Variants in EHD4 observed in about 807,000 individuals in gnomAD.
EHD4 encodes the protein EH domain containing 4, also known as EH domain-containing protein 4.
Under a neutral mutation model 51.0 loss-of-function variants are expected in EHD4, and 37 were observed. The ratio of observed to expected loss-of-function variants is 0.73; its 90% CI spans 0.56 to 0.95. The LOEUF (loss-of-function observed/expected upper bound fraction) is 0.95. Among genes scored for constraint, EHD4 ranks in the 40% least tolerant of loss-of-function variants. The pLI is 0.00. For synonymous variants in EHD4, 297 were observed against 317.3 expected, an observed-to-expected ratio of 0.94 and a Z score of 0.68; for missense variants, 632 against 733.1, an observed-to-expected ratio of 0.86 and a Z score of 1.59.
At chr15:41,926,209 A>T (rs185519845) in intron 3 of EHD4, 1 of 152,200 alleles carries the variant, frequency 6.6e-6, no homozygotes, top group East Asian at 1.9e-4. Flanking sequence ...AAAAACAAAG[A>T]AAGATGTGTG....
Position 41,900,522 on chromosome 15 carries a change from A to G in EHD4, c.*123T>C. On this transcript the variant is annotated 3_prime_UTR_variant, in exon 6 of 6. Transcript: ENST00000220325. The surrounding 1 kb of genome is among the most constrained non-coding windows in gnomAD (Gnocchi z 4.8). ...TTCCAGTGTCCACCCTCCCCATTCT[A>G]CAGATGGGGAAACCAAGGCACAGAG... is the stretch of plus-strand genomic sequence containing the variant. 1 of 989,874 alleles carries G rather than the reference A, an allele frequency of 1.0e-6. No individual in the cohort carries two copies. 61.3% of individuals were successfully genotyped at this position (989,874 alleles called of 1,614,324 possible).
intron 1 of EHD4, among the ~76,000 whole-genome samples, chr15:41,969,669 C>T (rs2067984112): frequency 6.6e-6 from 1 of 152,196 alleles, no homozygotes; most frequent in African/African-American, 2.4e-5. Context: ...AATCTGTTTT[C>T]CTCAAGTTTT....
Position 41,902,058 on chromosome 15 carries a change from T to A in EHD4, c.1090-877A>T, listed in dbSNP as rs756279829. On this transcript the variant is annotated intron_variant, in intron 5 of 5. Transcript: ENST00000220325. ...ATCACTGGCCAGGTCAGGACATATC[T>A]TAGCTCTACCTGTTGAGTGAGGCAG... Among the ~76,000 whole-genome samples, 15 of 152,172 alleles carry A rather than the reference T, an allele frequency of 9.9e-5. 1 individual carries two copies. The highest frequency in any genetic ancestry group is 2.2e-4 in the Non-Finnish European group (15 of 68,030).
chr15:41,932,538 A>G (rs2067705892), intron 3 of EHD4, among the ~76,000 whole-genome samples: 1 of 152,128 alleles, frequency 6.6e-6, no homozygotes, highest in Admixed American at 6.5e-5. Flanking sequence ...TGAGAAAGAG[A>G]CTAAGATTAC....
In EHD4 at chr15:41,972,296, C is replaced by A; in HGVS notation, c.199G>T (p.Val67Leu). 1 of 1,609,988 alleles carries A rather than the reference C, an allele frequency of 6.2e-7. No homozygotes were observed. The highest frequency in any genetic ancestry group is 1.1e-5 in the South Asian group (1 of 90,456). The part of the protein sequence containing the change: ...DFENKPMILL[V>L]GQYSTGKTTF... ...GTCTTGCCGGTGCTGTACTGGCCCA[C>A]CAGCAGGATCATGGGCTTGTTCTCG... is the stretch of plus-strand genomic sequence containing the variant. The change falls in exon 1 of 6, where the codon GTG becomes TTG. Residue 67 changes from valine (V) to leucine (L), a missense_variant. Transcript: ENST00000220325.
chr15:41,907,824 CTGTGTGTGTGTGTGTG>C (rs10522331), intron 5 of EHD4, among the ~76,000 whole-genome samples: 39 of 132,124 alleles, frequency 3.0e-4, no homozygotes, highest in Admixed American at 4.8e-4. Flanking sequence ...CGCCCAGGCT[CTGTGTGTGTGTGTGTG>C]TGTGTGTGTG....
At chr15:41,970,687 T>C (rs2067989474) in intron 1 of EHD4, among the ~76,000 whole-genome samples, 1 of 152,190 alleles carries the variant, frequency 6.6e-6, no homozygotes, top group Non-Finnish European at 1.5e-5. Context: ...TGATGACACC[T>C]GGGCACAACA....
chr15:41,906,079 C>T (rs1388585448), intron 5 of EHD4, among the ~76,000 whole-genome samples: 2 of 152,180 alleles, frequency 1.3e-5, no homozygotes, highest in Non-Finnish European at 2.9e-5. Context: ...CCAGTGAAAC[C>T]CTATCTTCAA....
At chr15:41,935,443 C>T (rs935909311) in intron 3 of EHD4, among the ~76,000 whole-genome samples, 1 of 152,146 alleles carries the variant, frequency 6.6e-6, no homozygotes, top group Non-Finnish European at 1.5e-5. Flanking sequence ...ATAAGAAAAC[C>T]TCTTTCCCCT....
chr15:41,919,879 T>C (rs1301379352), intron 3 of EHD4, among the ~76,000 whole-genome samples: 1 of 152,230 alleles, frequency 6.6e-6, no homozygotes, highest in Non-Finnish European at 1.5e-5. Context: ...CTGACTTTCA[T>C]ATCTGCGATT....
At chr15:41,907,824 C>CTG (rs10522331) in intron 5 of EHD4, among the ~76,000 whole-genome samples, 16,910 of 131,904 alleles carry the variant, frequency 0.13, 1,228 homozygotes, top group Admixed American at 0.16. Context: ...CGCCCAGGCT[C>CTG]TGTGTGTGTG....
At chr15:41,935,695 G>A (rs890391438) in intron 3 of EHD4, among the ~76,000 whole-genome samples, 3 of 152,142 alleles carry the variant, frequency 2.0e-5, no homozygotes, top group African/African-American at 4.8e-5. Flanking sequence ...AGACTGCCTG[G>A]TTTCAATCCC....
intron 1 of EHD4, among the ~76,000 whole-genome samples, chr15:41,967,978 C>G (rs192418877): frequency 2.6e-5 from 4 of 152,348 alleles, no homozygotes; most frequent in Non-Finnish European, 5.9e-5. Context: ...CTCTTGAACA[C>G]AGCTGGGCTC....
At chr15:41,925,776 A>T (rs897974607) in intron 3 of EHD4, among the ~76,000 whole-genome samples, 16 of 152,162 alleles carry the variant, frequency 1.1e-4, no homozygotes, top group African/African-American at 3.9e-4. Flanking sequence ...TCCTGGCTCC[A>T]TGTTCTGGGA....
intron 5 of EHD4, among the ~76,000 whole-genome samples, chr15:41,907,868 GTGTATATATT>G (rs1213368564): frequency 2.0e-5 from 2 of 99,556 alleles, no homozygotes; most frequent in African/African-American, 4.4e-5. Context: ...GTGTGTGTGT[GTGTATATATT>G]TATTTATTTT....
At chr15:41,936,460 T>A (rs2067732505) in intron 3 of EHD4, among the ~76,000 whole-genome samples, 1 of 152,190 alleles carries the variant, frequency 6.6e-6, no homozygotes, top group African/African-American at 2.4e-5. Flanking sequence ...TAGCTATTAT[T>A]ATTATTACTC....
At chr15:41,910,487 C>T (rs1374964519) in intron 4 of EHD4, among the ~76,000 whole-genome samples, 4 of 152,112 alleles carry the variant, frequency 2.6e-5, no homozygotes, top group Admixed American at 1.3e-4. Context: ...ATTGGAGGGG[C>T]GAGAATCTGG....
chr15:41,922,959 C>T (rs2555558), intron 3 of EHD4, among the ~76,000 whole-genome samples: 6 of 152,160 alleles, frequency 3.9e-5, no homozygotes, highest in Non-Finnish European at 7.4e-5. Context: ...TAGAAATCAC[C>T]GTGTCCAAAA....
At chr15:41,929,511 C>T (rs751507746) in intron 3 of EHD4, among the ~76,000 whole-genome samples, 8 of 152,242 alleles carry the variant, frequency 5.3e-5, no homozygotes. Context: ...GGTTTCGCAT[C>T]TCACTTTCCA....
Sources: allele counts gnomAD v4.1 joint callset (sites outside exome capture counted in the v4.1 genomes callset), GRCh38; gene constraint gnomAD v4.1.1; non-coding constraint Gnocchi (gnomAD v3.1); transcripts MANE v1.5; gene names NCBI Gene and HGNC (gene_info 2026-07-23, HGNC 2026-07-21).